ADGRV1: variants seen among roughly 807,000 people sequenced by gnomAD.
ADGRV1 encodes the protein G-protein coupled receptor 98.
Under a neutral mutation model 596.2 loss-of-function variants are expected in ADGRV1, and 359 were observed. That is an observed-to-expected ratio of 0.60 (90% CI 0.55 to 0.66). ADGRV1 has a LOEUF of 0.66. Among genes scored for constraint, ADGRV1 ranks in the 30% least tolerant of loss-of-function variants. The pLI is 0.00. For missense variants in ADGRV1, 7,274 were observed against 7,575.6 expected (o/e 0.96, Z 1.48); for synonymous variants, 2,681 against 2,679.2 (o/e 1.00, Z -0.02).
At chr5:90,960,452 A>T (rs1399984628) in intron 83 of ADGRV1, among the ~76,000 whole-genome samples, 1 of 152,214 alleles carries the variant, frequency 6.6e-6, no homozygotes, top group Non-Finnish European at 1.5e-5. Context: ...TGTACTTTAA[A>T]ATAATTATAA....
chr5:90,974,060 C>G (rs1228719937), intron 84 of ADGRV1, among the ~76,000 whole-genome samples: 2 of 152,048 alleles, frequency 1.3e-5, no homozygotes, highest in Non-Finnish European at 2.9e-5. Flanking sequence ...CAATAACAGA[C>G]AAACAGAGAG....
intron 10 of ADGRV1, among the ~76,000 whole-genome samples, chr5:90,636,383 A>G (rs1433607162): frequency 3.9e-5 from 6 of 152,184 alleles, no homozygotes; most frequent in Non-Finnish European, 7.4e-5. Flanking sequence ...ATTGTATATT[A>G]GCTTCTATAA....
At position 90,683,571 on chromosome 5, in the gene ADGRV1, T is replaced by C. The variant is rs1420777457; in HGVS notation, c.5665-15T>C. On this transcript the variant is annotated splice_polypyrimidine_tract_variant and intron_variant, in intron 27 of 89. Transcript: ENST00000405460. Reference sequence around the variant, plus strand: ...ATCTCTCTTTTAATAGATTTTAATATTAAGTATTTTGTAGGTTATAAGACA... The same window carrying C: ...ATCTCTCTTTTAATAGATTTTAATACTAAGTATTTTGTAGGTTATAAGACA... 1.3e-6 allele frequency: 2 copies of C among 1,545,594 alleles called. No individual in the cohort carries two copies. The highest frequency in any genetic ancestry group is 2.8e-5 in the African/African-American group (2 of 72,344).
intron 83 of ADGRV1, among the ~76,000 whole-genome samples, chr5:90,924,710 G>A (rs1461437693): frequency 2.6e-5 from 4 of 152,266 alleles, no homozygotes; most frequent in Admixed American, 2.0e-4. Context: ...CCTTGCCCAT[G>A]CCTGTGTCCT....
intron 85 of ADGRV1, among the ~76,000 whole-genome samples, chr5:90,995,259 A>AT (rs1044885031): frequency 2.0e-5 from 3 of 152,112 alleles, no homozygotes; most frequent in Admixed American, 2.0e-4. Flanking sequence ...CAAGGAATAG[A>AT]TTTTTTGCAT....
intron 13 of ADGRV1, 63 bp downstream of exon 13, chr5:90,643,104 A>G: frequency 7.4e-7 from 1 of 1,344,834 alleles, no homozygotes; most frequent in Non-Finnish European, 1.0e-6. Flanking sequence ...GTATATTATG[A>G]ATATAAATAT....
rs55761821 is a variant in ADGRV1 at position 90,722,716 on chromosome 5, C to CAAAAAAAAA, written c.9748+1689_9748+1697dup. Among the ~76,000 whole-genome samples the CAAAAAAAAA allele has an allele frequency of 3.3e-4, 11 of 32,900 alleles. 2 individuals are homozygous for CAAAAAAAAA. The highest frequency in any genetic ancestry group is 1.4e-3 in the African/African-American group (11 of 8,126). 21.6% of individuals were successfully genotyped at this position (32,900 alleles called of 152,430 possible). A position where few individuals can be genotyped will look rare whatever the true frequency, so the allele number is the denominator to read the frequency against. On this transcript the variant is annotated intron_variant, in intron 45 of 89. Coordinates refer to ENST00000405460, the MANE Select transcript of ADGRV1 (RefSeq NM_032119.4). ...GGCAACAAGAGCAAAAACTCCGTCTCAAAAAAAAAAAAAAAAAAAAAAAAA... is the reference window on the plus strand; with the variant it reads ...GGCAACAAGAGCAAAAACTCCGTCTCAAAAAAAAAAAAAAAAAAAAAAAAAAAAAAAAAA...
chr5:91,106,365 T>C (rs1394768142), intron 87 of ADGRV1, among the ~76,000 whole-genome samples: 1 of 152,226 alleles, frequency 6.6e-6, no homozygotes, highest in African/African-American at 2.4e-5. Context: ...TTGGTTACTA[T>C]AGCTTTGTAG....
At chr5:90,882,117 G>A (rs914525338) in intron 83 of ADGRV1, among the ~76,000 whole-genome samples, 1 of 152,144 alleles carries the variant, frequency 6.6e-6, no homozygotes, top group Non-Finnish European at 1.5e-5. Context: ...CCTCACAGAT[G>A]TAAAGAGATT....
At chr5:91,074,644 T>A (rs768775540) in intron 86 of ADGRV1, among the ~76,000 whole-genome samples, 1 of 152,252 alleles carries the variant, frequency 6.6e-6, no homozygotes, top group Non-Finnish European at 1.5e-5. Context: ...TATGTGTGCA[T>A]GTGTCTTCAT....
At chr5:90,843,955 A>G (rs1765648538) in intron 78 of ADGRV1, among the ~76,000 whole-genome samples, 1 of 152,222 alleles carries the variant, frequency 6.6e-6, no homozygotes, top group Non-Finnish European at 1.5e-5. Context: ...ATTATCACAT[A>G]AAGATAAGGT....
At chr5:90,617,981 ATTATAAGGAGGACTTATAAAAC>A in intron 3 of ADGRV1, 28 bp downstream of exon 3, 4 of 1,494,668 alleles carry the variant, frequency 2.7e-6, no homozygotes, top group Non-Finnish European at 3.6e-6. Flanking sequence ...CCTTATAAAA[ATTATAAGGAGGACTTATAAAAC>A]TTATAAAAAT....
chr5:90,790,803 A>G (rs1474240845), intron 69 of ADGRV1, 70 bp from the exon 70 acceptor site: 1 of 1,024,208 alleles, frequency 9.8e-7, no homozygotes, highest in Non-Finnish European at 1.4e-6. Context: ...AGAGAAAAAC[A>G]TAATTTAAGG....
chr5:90,616,165 T>C (rs979454032), intron 2 of ADGRV1, among the ~76,000 whole-genome samples: 6 of 152,062 alleles, frequency 3.9e-5, no homozygotes, highest in Non-Finnish European at 8.8e-5. Flanking sequence ...TAATTTATTG[T>C]TATGTATGAG....
chr5:91,147,561 A>G (rs2126879653), intron 87 of ADGRV1, among the ~76,000 whole-genome samples: 1 of 152,252 alleles, frequency 6.6e-6, no homozygotes, highest in South Asian at 2.1e-4. Context: ...GCTTGCACGC[A>G]TTCTCTCTCC....
chr5:90,757,753 T>C (rs772929642), intron 57 of ADGRV1, among the ~76,000 whole-genome samples: 10 of 152,196 alleles, frequency 6.6e-5, no homozygotes, highest in Admixed American at 1.3e-4. Context: ...ACTTGGCATT[T>C]TGTAATATGT....
chr5:90,976,210 G>C (rs1193279448), intron 84 of ADGRV1, among the ~76,000 whole-genome samples: 1 of 124,540 alleles, frequency 8.0e-6, no homozygotes, highest in Non-Finnish European at 1.5e-5. Context: ...TCTTGTGTGT[G>C]AGTGTGTATA....
chr5:90,967,451 A>G (rs188034984), intron 84 of ADGRV1, among the ~76,000 whole-genome samples: 182 of 152,272 alleles, frequency 1.2e-3, no homozygotes, highest in African/African-American at 3.8e-3. Context: ...TTAGAATAAC[A>G]TTTGCGAGAT....
chr5:90,627,115 G>A (rs1561410587), intron 6 of ADGRV1, 96 bp from the exon 7 acceptor site: 4 of 630,142 alleles, frequency 6.3e-6, no homozygotes, highest in Non-Finnish European at 1.0e-5. Context: ...TTATTTCTAT[G>A]TAATTGTATT....
Sources: gnomAD v4.1 joint callset for allele counts (sites outside exome capture counted in the v4.1 genomes callset) on GRCh38, gnomAD v4.1.1 for gene constraint, MANE v1.5 for transcripts, NCBI Gene and HGNC (gene_info 2026-07-23, HGNC 2026-07-21) for gene names.